Variants in ADAMTS18 observed in about 807,000 individuals in gnomAD.
ADAMTS18 encodes the protein A disintegrin and metalloproteinase with thrombospondin motifs 18.
A neutral mutation model predicts 165.9 loss-of-function variants in ADAMTS18; 157 were observed. The ratio of observed to expected loss-of-function variants is 0.95; its 90% confidence interval spans 0.83 to 1.08. ADAMTS18 has a LOEUF of 1.08. Among genes scored for constraint, ADAMTS18 ranks in the 50% least tolerant of loss-of-function variants. The pLI is 0.00. For synonymous variants in ADAMTS18, 782 were observed against 578.2 expected, an observed-to-expected ratio of 1.35 and a Z score of -5.06; for missense variants, 2,040 against 1,534.0, an observed-to-expected ratio of 1.33 and a Z score of -5.51.
chr16:77,301,552 G>T (rs2055583040), intron 16 of ADAMTS18, among the ~76,000 whole-genome samples: 1 of 152,158 alleles, frequency 6.6e-6, no homozygotes, highest in Non-Finnish European at 1.5e-5. Flanking sequence ...CTAGAACTGG[G>T]CATTCATGCC....
intron 3 of ADAMTS18, among the ~76,000 whole-genome samples, chr16:77,430,661 T>C (rs896726217): frequency 1.3e-5 from 2 of 152,326 alleles, no homozygotes; most frequent in African/African-American, 4.8e-5. Context: ...ACACTGATAT[T>C]CTTGGCCTGG....
intron 3 of ADAMTS18, among the ~76,000 whole-genome samples, chr16:77,383,105 CCCT>C (rs972977709): frequency 1.3e-5 from 2 of 152,178 alleles, no homozygotes; most frequent in Non-Finnish European, 2.9e-5. Context: ...CTCTCTCTGT[CCCT>C]CCTGTGTTCT....
intron 3 of ADAMTS18, among the ~76,000 whole-genome samples, chr16:77,403,302 A>G (rs553071082): frequency 6.6e-6 from 1 of 152,334 alleles, no homozygotes; most frequent in African/African-American, 2.4e-5. Flanking sequence ...CTTATTGAGC[A>G]TCCTTTAAGT....
chr16:77,420,002 T>TAAAAAAAAAAAAAAAA (rs34486248), intron 3 of ADAMTS18, among the ~76,000 whole-genome samples: 1 of 91,290 alleles, frequency 1.1e-5, no homozygotes, highest in African/African-American at 4.4e-5. Context: ...TGTCGCAGAT[T>TAAAAAAAAAAAAAAAA]AAAAAAAAAA....
chr16:77,299,134 G>A (rs2055532743), intron 17 of ADAMTS18, among the ~76,000 whole-genome samples: 2 of 152,266 alleles, frequency 1.3e-5, no homozygotes, highest in African/African-American at 4.8e-5. Flanking sequence ...AAATGAAACA[G>A]TGTGAAGAGA....
At chr16:77,336,742 A>G (rs2056316823) in intron 11 of ADAMTS18, among the ~76,000 whole-genome samples, 1 of 152,076 alleles carries the variant, frequency 6.6e-6, no homozygotes, top group Non-Finnish European at 1.5e-5. Flanking sequence ...TCCCTAGGGG[A>G]TGCATTAGCC....
intron 15 of ADAMTS18, among the ~76,000 whole-genome samples, chr16:77,320,484 C>G (rs2055976023): frequency 6.6e-6 from 1 of 151,992 alleles, no homozygotes; most frequent in Non-Finnish European, 1.5e-5. Flanking sequence ...ACTAAAAATA[C>G]AAAAATTAGC....
intron 10 of ADAMTS18, among the ~76,000 whole-genome samples, chr16:77,344,100 A>G (rs951681491): frequency 2.7e-5 from 4 of 149,408 alleles, no homozygotes; most frequent in Non-Finnish European, 5.9e-5. Flanking sequence ...ACATAGGGAA[A>G]CCAGATGTAT....
chr16:77,292,221 G>A (rs942654392), intron 20 of ADAMTS18, among the ~76,000 whole-genome samples: 8 of 152,168 alleles, frequency 5.3e-5, no homozygotes, highest in Admixed American at 1.3e-4. Flanking sequence ...TTACCTGAGC[G>A]AGGGAGGTGG....
intron 3 of ADAMTS18, among the ~76,000 whole-genome samples, chr16:77,419,112 G>A (rs927594725): frequency 1.3e-5 from 2 of 152,052 alleles, no homozygotes; most frequent in Non-Finnish European, 2.9e-5. Context: ...TCATGCCACT[G>A]CACTCCAGCC....
At chr16:77,387,626 G>A (rs972820197) in intron 3 of ADAMTS18, among the ~76,000 whole-genome samples, 2 of 152,080 alleles carry the variant, frequency 1.3e-5, no homozygotes, top group African/African-American at 2.4e-5. Flanking sequence ...GTAATGAGGC[G>A]ATTACAAGCT....
At chr16:77,305,550 T>C (rs1227044294) in intron 16 of ADAMTS18, among the ~76,000 whole-genome samples, 1 of 152,208 alleles carries the variant, frequency 6.6e-6, no homozygotes, top group Non-Finnish European at 1.5e-5. Context: ...GCAGGTCCCA[T>C]GCCCATGAAG....
intron 19 of ADAMTS18, among the ~76,000 whole-genome samples, chr16:77,293,866 G>C (rs1280407244): frequency 1.3e-5 from 2 of 151,340 alleles, no homozygotes; most frequent in Non-Finnish European, 2.9e-5. Flanking sequence ...CTGTGATGCT[G>C]GCCTGCTGCT....
At chr16:77,287,673 T>C (rs1010204478) in intron 22 of ADAMTS18, among the ~76,000 whole-genome samples, 2 of 152,098 alleles carry the variant, frequency 1.3e-5, no homozygotes, top group African/African-American at 2.4e-5. Flanking sequence ...GGTTTCACCA[T>C]ATTAGCCAGG....
chr16:77,420,263 T>C (rs1247453235), intron 3 of ADAMTS18, among the ~76,000 whole-genome samples: 1 of 152,104 alleles, frequency 6.6e-6, no homozygotes, highest in African/African-American at 2.4e-5. Flanking sequence ...ATCAAATAAC[T>C]AGCATTTGAA....
chr16:77,363,998 C>G, intron 5 of ADAMTS18, 113 bp from the exon 6 acceptor site: 2 of 1,216,726 alleles, frequency 1.6e-6, no homozygotes, highest in Non-Finnish European at 2.4e-6. Flanking sequence ...AATATATGTA[C>G]ATATAAATAC....
At chr16:77,287,039 A>G (rs947117881) in intron 22 of ADAMTS18, among the ~76,000 whole-genome samples, 2 of 152,086 alleles carry the variant, frequency 1.3e-5, no homozygotes, top group African/African-American at 4.8e-5. Flanking sequence ...CTGTTTGGTG[A>G]CACTGGATGA....
chr16:77,389,384 A>G (rs1483171591), intron 3 of ADAMTS18, among the ~76,000 whole-genome samples: 2 of 152,284 alleles, frequency 1.3e-5, no homozygotes, highest in African/African-American at 4.8e-5. Context: ...GTGAGGGGGT[A>G]GGTTTTGTTT....
chr16:77,359,687 G>C (rs1410379834), intron 7 of ADAMTS18, among the ~76,000 whole-genome samples: 1 of 152,138 alleles, frequency 6.6e-6, no homozygotes, highest in Non-Finnish European at 1.5e-5. Flanking sequence ...GTCAGTATGA[G>C]TACTGTAATT....
Sources: allele counts gnomAD v4.1 joint callset (sites outside exome capture counted in the v4.1 genomes callset), GRCh38; gene constraint gnomAD v4.1.1; transcripts MANE v1.5; gene names NCBI Gene and HGNC (gene_info 2026-07-23, HGNC 2026-07-21).